Variants in RPS3 observed in about 807,000 individuals in gnomAD.
The protein encoded by RPS3 is ribosomal protein S3.
A neutral mutation model predicts 25.8 loss-of-function variants in RPS3; 2 were observed. The ratio of observed to expected loss-of-function variants is 0.08; its 90% CI spans 0.03 to 0.24. The LOEUF (loss-of-function observed/expected upper bound fraction) is 0.24. Among genes scored for constraint, RPS3 ranks in the 10% least tolerant of loss-of-function variants. The pLI is 1.00. For synonymous variants in RPS3, 114 were observed against 114.2 expected (o/e 1.00, Z 0.01); for missense variants, 107 against 307.1 (o/e 0.35, Z 4.87).
In RPS3 at chr11:75,402,643, G is replaced by C. The variant is rs139249780; in HGVS notation, c.350+197G>C. The C allele has an allele frequency of 1.2e-4, 60 of 502,256 alleles. 1 individual carries two copies. The East Asian group carries it at 1.8e-3, about 15-fold the overall frequency. The allele number at this position is 502,256 out of a possible 1,614,324, so 31.1% of individuals were successfully genotyped here. A position where few individuals can be genotyped will look rare whatever the true frequency, so the allele number is the denominator to read the frequency against. ...TACTAAAGCAGCAAGAACTGTAAAG[G>C]GTGGTCAGTCCTGTAATGGAGAAGT... On this transcript the variant is annotated intron_variant, in intron 4 of 6. Transcript: ENST00000531188.
chr11:75,409,947 C>T (rs1948330208), downstream of RPS3, among the ~76,000 whole-genome samples: 1 of 148,620 alleles, frequency 6.7e-6, no homozygotes, highest in Non-Finnish European at 1.5e-5. Context: ...GGGGCTGACC[C>T]CCCCACCTCC....
In RPS3 at chr11:75,404,896, G is replaced by T; in HGVS notation, c.*3+28G>T. 1 of 1,488,968 alleles carries T rather than the reference G, an allele frequency of 6.7e-7. No homozygotes were observed. Among genetic ancestry groups the T allele is most frequent in the South Asian group, 1.3e-5 (1 of 79,940 alleles). 92.2% of individuals were successfully genotyped at this position (1,488,968 alleles called of 1,614,324 possible). On this transcript the variant is annotated intron_variant, in intron 6 of 6. Coordinates refer to ENST00000531188, the MANE Select transcript of RPS3 (RefSeq NM_001005.5). This position sits in a 1 kb window ranked among gnomAD's most constrained non-coding sequence, Gnocchi z 4.6. The stretch of plus-strand genomic sequence containing the variant: ...ATGTCTGCAAGGGCAGGGGCCTCTT[G>T]GGGCATAATAGGGTCCTTCCGAGTC...
At chr11:75,410,796 C>T (rs1225279255), downstream of RPS3, among the ~76,000 whole-genome samples, 10 of 152,232 alleles carry the variant, frequency 6.6e-5, no homozygotes, top group East Asian at 1.2e-3. Context: ...CCAGCCCGGC[C>T]AACACAGCAA....
At chr11:75,402,849 G>C (rs1948231949) in intron 4 of RPS3, 1 of 158,910 alleles carries the variant, frequency 6.3e-6, no homozygotes, top group African/African-American at 2.4e-5. Context: ...AAGTGCCTTA[G>C]TACTAGTTAG....
At chr11:75,408,260 C>T (rs536691440), downstream of RPS3, among the ~76,000 whole-genome samples, 11 of 152,238 alleles carry the variant, frequency 7.2e-5, no homozygotes, top group African/African-American at 1.7e-4. Flanking sequence ...CCCAGCACTT[C>T]GGGAGGCCAA....
downstream of RPS3, among the ~76,000 whole-genome samples, chr11:75,409,934 C>T (rs1425654285): frequency 1.6e-4 from 23 of 144,894 alleles, no homozygotes; most frequent in Middle Eastern, 3.8e-3. Context: ...GCCGGCCGGG[C>T]GGGGGGCTGA....
chr11:75,408,094 AAG>A (rs1468473645), downstream of RPS3, among the ~76,000 whole-genome samples: 2 of 152,372 alleles, frequency 1.3e-5, no homozygotes, highest in East Asian at 1.9e-4. Flanking sequence ...AATGTGCAGT[AAG>A]AGTAACAGCT....
chr11:75,418,281 C>T (rs945767515), intron 6 of RPS3, among the ~76,000 whole-genome samples: 1 of 151,744 alleles, frequency 6.6e-6, no homozygotes, highest in Non-Finnish European at 1.5e-5. Flanking sequence ...TGTCCTAATT[C>T]TTACTTTGTT....
chr11:75,413,638 C>T (rs1034892962), intron 6 of RPS3, among the ~76,000 whole-genome samples: 15 of 152,150 alleles, frequency 9.9e-5, no homozygotes, highest in African/African-American at 3.6e-4. Context: ...GATGCTATTA[C>T]CTTAAGTATG....
At chr11:75,405,355 T>C (rs548442040) in intron 6 of RPS3, 39 of 264,666 alleles carry the variant, frequency 1.5e-4, no homozygotes, top group Admixed American at 1.1e-3. Context: ...CTAGGCACTT[T>C]TGCTATTCTG....
intron 6 of RPS3, among the ~76,000 whole-genome samples, chr11:75,412,072 C>T (rs1448291863): frequency 1.3e-5 from 2 of 152,332 alleles, no homozygotes; most frequent in South Asian, 2.1e-4. Flanking sequence ...AGCCCATCTA[C>T]AGCACCCTTG....
At chr11:75,401,025 G>A (rs1006648328) in intron 2 of RPS3, among the ~76,000 whole-genome samples, 2 of 152,114 alleles carry the variant, frequency 1.3e-5, no homozygotes, top group Non-Finnish European at 2.9e-5. Context: ...TGGGACTATA[G>A]GCGCCCGCCA....
intron 6 of RPS3, among the ~76,000 whole-genome samples, chr11:75,417,371 G>A (rs970278385): frequency 3.3e-5 from 5 of 152,220 alleles, no homozygotes; most frequent in Admixed American, 2.6e-4. Flanking sequence ...GCCGAGCCAG[G>A]GGAATCAAAG....
chr11:75,400,111 TAGAC>T (rs981177039), intron 1 of RPS3, among the ~76,000 whole-genome samples: 4 of 152,338 alleles, frequency 2.6e-5, no homozygotes, highest in African/African-American at 4.8e-5. Context: ...GCTTTAAAAA[TAGAC>T]AGTTTGTCAT....
chr11:75,405,700 C>A lies in RPS3; in HGVS notation c.*90C>A. 1 of 454,786 alleles carries A rather than the reference C, an allele frequency of 2.2e-6. No homozygotes were observed. Among genetic ancestry groups the A allele is most frequent in the Non-Finnish European group, 4.4e-6 (1 of 226,512 alleles). 28.2% of individuals were successfully genotyped at this position (454,786 alleles called of 1,614,324 possible). ...TTTTGTACAAAGACACAAGGTCTGA[C>A]TAGACTGTTCAGTATTCAGACTGAG... On this transcript the variant is annotated 3_prime_UTR_variant, in exon 7 of 7. Transcript: ENST00000531188.
At position 75,403,998 on chromosome 11, in the gene RPS3, G is replaced by A. The variant is rs112442134; in HGVS notation, c.351-22G>A. On this transcript the variant is annotated intron_variant, in intron 4 of 6. Transcript: ENST00000531188. Reference sequence around the variant, plus strand: ...GGAGGTCCTTGGCAATAACACAGTGGCTCTCTTCTGTTCTTTTAAAGGGCC... The same window carrying A: ...GGAGGTCCTTGGCAATAACACAGTGACTCTCTTCTGTTCTTTTAAAGGGCC... 1.7e-3 allele frequency: 2,748 copies of A among 1,605,258 alleles called. 53 individuals are homozygous for A. The African/African-American group carries it at 0.031, about 18-fold the overall frequency.
intron 6 of RPS3, among the ~76,000 whole-genome samples, chr11:75,420,795 A>G (rs1371549636): frequency 6.6e-6 from 1 of 151,936 alleles, no homozygotes; most frequent in Non-Finnish European, 1.5e-5. Context: ...GTGCCCGGTG[A>G]TAGAGGAGGG....
Position 75,404,332 on chromosome 11 carries a change from C to A in RPS3, c.538+125C>A, listed in dbSNP as rs1311438505. On this transcript the variant is annotated intron_variant, in intron 5 of 6. Coordinates refer to ENST00000531188, the MANE Select transcript of RPS3 (RefSeq NM_001005.5). The surrounding 1 kb of genome is among the most constrained non-coding windows in gnomAD (Gnocchi z 4.6). Reference sequence around the variant, plus strand: ...GGCATGTTCATATTCCTTGGTGTATCGATTGCCACGTTGATCTGTAAGAAT... The same window carrying A: ...GGCATGTTCATATTCCTTGGTGTATAGATTGCCACGTTGATCTGTAAGAAT... 2.2e-6 allele frequency: 2 copies of A among 900,626 alleles called. No individual in the cohort carries two copies. The highest frequency in any genetic ancestry group is 3.6e-6 in the Non-Finnish European group (2 of 552,698). The allele number at this position is 900,626 out of a possible 1,614,324, so 55.8% of individuals were successfully genotyped here.
downstream of RPS3, among the ~76,000 whole-genome samples, chr11:75,410,860 C>T (rs1032884721): frequency 3.3e-5 from 5 of 152,260 alleles, no homozygotes; most frequent in African/African-American, 7.2e-5. Flanking sequence ...GCGGCGCGCG[C>T]CTGCAATCGC....
Sources: gnomAD v4.1 joint callset for allele counts (sites outside exome capture counted in the v4.1 genomes callset) on GRCh38, gnomAD v4.1.1 for gene constraint, Gnocchi (gnomAD v3.1) non-coding constraint, MANE v1.5 for transcripts, NCBI Gene and HGNC (gene_info 2026-07-23, HGNC 2026-07-21) for gene names.